The following MCPH1 variants were observed in gnomAD, a reference collection of about 807,000 sequenced individuals.
MCPH1 encodes microcephalin.
MCPH1 carries 104 observed loss-of-function variants against 84.5 expected under a neutral mutation model. That is an observed-to-expected ratio of 1.23 (90% CI 1.05 to 1.45). The LOEUF is 1.45. MCPH1 is among the 40% of genes most tolerant of loss of function. The pLI is 0.00. For missense variants in MCPH1, 1,498 were observed against 1,005.7 expected, an observed-to-expected ratio of 1.49 and a Z score of -6.62; for synonymous variants, 514 against 366.8, an observed-to-expected ratio of 1.40 and a Z score of -4.58.
At chr8:6,432,499 C>G (rs1341255058) in intron 4 of MCPH1, among the ~76,000 whole-genome samples, 1 of 152,154 alleles carries the variant, frequency 6.6e-6, no homozygotes, top group Non-Finnish European at 1.5e-5. Context: ...ACATTTTAAC[C>G]ACAACCTTTT....
At chr8:6,502,501 T>A (rs1255144401) in intron 12 of MCPH1, 1 of 152,250 alleles carries the variant, frequency 6.6e-6, no homozygotes, top group East Asian at 1.9e-4. Context: ...GTAAATACGC[T>A]GTTTTTGAAA....
At chr8:6,492,887 A>G (rs909112422) in intron 11 of MCPH1, among the ~76,000 whole-genome samples, 2 of 152,122 alleles carry the variant, frequency 1.3e-5, no homozygotes, top group African/African-American at 4.8e-5. Flanking sequence ...GCGCTTTGCC[A>G]TGTAAATACT....
intron 12 of MCPH1, among the ~76,000 whole-genome samples, chr8:6,532,866 A>G (rs1052964009): frequency 7.2e-5 from 11 of 152,178 alleles, no homozygotes; most frequent in Admixed American, 7.2e-4. Context: ...CTGACCATGC[A>G]GTCAGGAAAT....
chr8:6,525,160 A>C (rs1221364136), intron 12 of MCPH1, among the ~76,000 whole-genome samples: 1 of 152,216 alleles, frequency 6.6e-6, no homozygotes, highest in African/African-American at 2.4e-5. Flanking sequence ...GCTACCCATT[A>C]CATATCTCGC....
At chr8:6,435,805 A>G (rs1802561801) in intron 4 of MCPH1, among the ~76,000 whole-genome samples, 1 of 152,232 alleles carries the variant, frequency 6.6e-6, no homozygotes, top group South Asian at 2.1e-4. Context: ...TGCTAGGATC[A>G]TGAAAATGTC....
intron 12 of MCPH1, among the ~76,000 whole-genome samples, chr8:6,605,451 G>A (rs946051559): frequency 1.3e-5 from 2 of 152,122 alleles, no homozygotes; most frequent in African/African-American, 4.8e-5. Flanking sequence ...TTGCATTTTG[G>A]ACCAAAGACT....
At chr8:6,407,332 C>T (rs144310505) in intron 1 of MCPH1, among the ~76,000 whole-genome samples, 21 of 152,052 alleles carry the variant, frequency 1.4e-4, no homozygotes, top group South Asian at 6.2e-4. Flanking sequence ...TTTTTTTAAC[C>T]GCTCTATCAA....
intron 12 of MCPH1, among the ~76,000 whole-genome samples, chr8:6,552,316 C>T (rs1342731595): frequency 6.6e-6 from 1 of 152,172 alleles, no homozygotes; most frequent in Non-Finnish European, 1.5e-5. Context: ...CATATTCACG[C>T]AGTCACAGCA....
At chr8:6,438,905 T>G (rs773607898) in intron 5 of MCPH1, 48 bp from the exon 6 acceptor site, 2 of 1,584,650 alleles carry the variant, frequency 1.3e-6, no homozygotes, top group Non-Finnish European at 1.7e-6. Context: ...ATTCCTGAAG[T>G]ATGAAGGCAC....
At position 6,647,332 on chromosome 8, in the gene MCPH1, C is replaced by G. The variant is rs1197060204; in HGVS notation, c.*4283C>G. 1 of 152,122 alleles carries G rather than the reference C, an allele frequency of 6.6e-6. No individual in the cohort carries two copies. The allele number at this position is 152,122 out of a possible 1,614,324, so 9.4% of individuals were successfully genotyped here. ...CTCTCCTACATTGCTGGCATGAGTG[C>G]AAAATGATACAGCCACTTTGAAACA... On this transcript the variant is annotated 3_prime_UTR_variant, in exon 14 of 14. Transcript: ENST00000344683.
intron 12 of MCPH1, among the ~76,000 whole-genome samples, chr8:6,539,626 T>A (rs2408341): frequency 3.2e-4 from 48 of 152,098 alleles, no homozygotes; most frequent in Non-Finnish European, 5.1e-4. Context: ...TCGCTCTGTC[T>A]CTCAGGCTGG....
intron 11 of MCPH1, among the ~76,000 whole-genome samples, chr8:6,486,905 T>A (rs780117743): frequency 6.6e-6 from 1 of 152,196 alleles, no homozygotes; most frequent in African/African-American, 2.4e-5. Flanking sequence ...CTCACTTAAT[T>A]TGATGATTCC....
rs143677038 is a variant in MCPH1 at position 6,425,092 on chromosome 8, G to C, written c.234-6407G>C. ...CGTCCTAAGGGTAGAATGAGAGTCG[G>C]TGGTTCCTGGCCGACCTAGCAGGTG... On this transcript the variant is annotated intron_variant, in intron 3 of 13. Coordinates refer to ENST00000344683, the MANE Select transcript of MCPH1 (RefSeq NM_024596.5). Among the ~76,000 whole-genome samples the C allele has an allele frequency of 3.0e-3, 456 of 152,334 alleles. 1 individual carries two copies. The highest frequency in any genetic ancestry group is 0.01 in the African/African-American group (425 of 41,572).
intron 11 of MCPH1, among the ~76,000 whole-genome samples, chr8:6,499,447 C>G (rs1253163855): frequency 1.3e-5 from 2 of 152,116 alleles, no homozygotes; most frequent in African/African-American, 4.8e-5. Context: ...TGAATTTAGG[C>G]TTGTGATCCA....
chr8:6,445,794 T>C, intron 8 of MCPH1: 3 of 1,280,928 alleles, frequency 2.3e-6, no homozygotes, highest in Non-Finnish European at 3.0e-6. Flanking sequence ...TTTTCCTTCT[T>C]ATAGGTCAAA....
At chr8:6,417,334 G>C (rs1315271688) in intron 3 of MCPH1, among the ~76,000 whole-genome samples, 1 of 152,134 alleles carries the variant, frequency 6.6e-6, no homozygotes, top group Non-Finnish European at 1.5e-5. Flanking sequence ...CAACAGCTCA[G>C]CTCTCTTGTG....
At position 6,445,384 on chromosome 8, in the gene MCPH1, A is replaced by G. The variant is rs1267646337; in HGVS notation, c.1662A>G (p.Glu554=). ...PLEGSLEEMK[E]AVGLKSTQNK... ...AAGGAAGCCTTGAAGAAATGAAAGA[A>G]GCGGTTGGTCTGAAAAGCACACAGA... The change falls in exon 8 of 14, where the codon GAA becomes GAG. Residue 554 remains glutamate, a synonymous_variant. Transcript: ENST00000344683. 5 of 1,614,166 alleles carry G rather than the reference A, an allele frequency of 3.1e-6. No individual in the cohort carries two copies. The East Asian group carries it at 6.7e-5, about 22-fold the overall frequency.
In MCPH1 at chr8:6,486,346, C is replaced by G. The variant is rs142867884; in HGVS notation, c.2136+5470C>G. Among the ~76,000 whole-genome samples the G allele has an allele frequency of 4.7e-3, 719 of 151,906 alleles. 9 individuals are homozygous for G. Among genetic ancestry groups the G allele is most frequent in the African/African-American group, 0.016 (680 of 41,392 alleles). ...GTCCTCCTCCTTCTAACCCTGTCTCCAATGTAGTTGGGGGATTCTTAAAAT... is the reference window on the plus strand; with the variant it reads ...GTCCTCCTCCTTCTAACCCTGTCTCGAATGTAGTTGGGGGATTCTTAAAAT... On this transcript the variant is annotated intron_variant, in intron 11 of 13. Coordinates refer to ENST00000344683, the MANE Select transcript of MCPH1 (RefSeq NM_024596.5).
At chr8:6,434,009 C>T (rs900682659) in intron 4 of MCPH1, among the ~76,000 whole-genome samples, 16 of 152,134 alleles carry the variant, frequency 1.1e-4, no homozygotes, top group African/African-American at 3.4e-4. Context: ...ACACATGACC[C>T]GTTTTCCAGC....
Sources: gnomAD v4.1 joint callset for allele counts (sites outside exome capture counted in the v4.1 genomes callset) on GRCh38, gnomAD v4.1.1 for gene constraint, MANE v1.5 for transcripts, NCBI Gene and HGNC (gene_info 2026-07-23, HGNC 2026-07-21) for gene names.